The following SCN8A variants were observed in gnomAD, a reference collection of about 807,000 sequenced individuals.
The protein encoded by SCN8A is sodium channel protein type 8 subunit alpha.
SCN8A carries 30 observed loss-of-function variants against 184.1 expected under a neutral mutation model. That is an observed-to-expected ratio of 0.16 (90% CI 0.12 to 0.22). The LOEUF (loss-of-function observed/expected upper bound fraction) is 0.22, where lower values mean the gene tolerates loss of function less well. SCN8A is among the 10% of genes least tolerant of loss of function. The pLI is 1.00. For missense variants in SCN8A, 1,057 were observed against 2,498.9 expected, an observed-to-expected ratio of 0.42 and a Z score of 12.30; for synonymous variants, 852 against 907.0, an observed-to-expected ratio of 0.94 and a Z score of 1.09.
intron 26 of SCN8A, among the ~76,000 whole-genome samples, chr12:51,804,234 G>A (rs910916627): frequency 1.3e-5 from 2 of 152,172 alleles, no homozygotes; most frequent in Non-Finnish European, 1.5e-5. Flanking sequence ...AGAAAAAGGC[G>A]CTCCGATTTG....
chr12:51,612,033 A>G (rs192067772), intron 1 of SCN8A, among the ~76,000 whole-genome samples: 95 of 151,886 alleles, frequency 6.3e-4, no homozygotes, highest in African/African-American at 2.2e-3. Context: ...TTTTTCCCCC[A>G]TTTTTACAGA....
intron 1 of SCN8A, among the ~76,000 whole-genome samples, chr12:51,622,215 A>G (rs1939977596): frequency 6.6e-6 from 1 of 152,196 alleles, no homozygotes; most frequent in South Asian, 2.1e-4. Context: ...GAATACGGAG[A>G]ATTCCTGTAT....
At chr12:51,596,863 G>A (rs562382806) in intron 1 of SCN8A, among the ~76,000 whole-genome samples, 24 of 151,980 alleles carry the variant, frequency 1.6e-4, no homozygotes, top group Non-Finnish European at 1.9e-4. Flanking sequence ...CTCTCCCATT[G>A]CCAACCTAGG....
chr12:51,728,407 C>T (rs1434550882), intron 12 of SCN8A, among the ~76,000 whole-genome samples: 1 of 152,074 alleles, frequency 6.6e-6, no homozygotes, highest in African/African-American at 2.4e-5. Context: ...GATGACAATC[C>T]AGGAAGCTAA....
chr12:51,592,590 A>G (rs1939252555), intron 1 of SCN8A, among the ~76,000 whole-genome samples: 1 of 151,716 alleles, frequency 6.6e-6, no homozygotes, highest in African/African-American at 2.4e-5. Flanking sequence ...GAAACTTTGG[A>G]TTGCATCTGG....
intron 1 of SCN8A, among the ~76,000 whole-genome samples, chr12:51,619,191 C>T (rs890412811): frequency 6.6e-6 from 1 of 152,138 alleles, no homozygotes. Flanking sequence ...GGAGGCCTTT[C>T]CATATCAGTG....
chr12:51,803,677 A>G (rs1938616558), intron 26 of SCN8A, among the ~76,000 whole-genome samples: 2 of 152,120 alleles, frequency 1.3e-5, no homozygotes. Flanking sequence ...TGCCCACCAT[A>G]TATGGGCTGC....
rs34564079 is a variant in SCN8A, at chr12:51,679,721, C to CTTTTTTTTTTTTTTTTTTT, written c.277-4449_277-4431dup. Among the ~76,000 whole-genome samples the CTTTTTTTTTTTTTTTTTTT allele has an allele frequency of 3.5e-5, 3 of 85,510 alleles. 1 individual carries two copies. The highest frequency in any genetic ancestry group is 1.4e-4 in the African/African-American group (3 of 22,030). 56.1% of individuals were successfully genotyped at this position (85,510 alleles called of 152,430 possible). On this transcript the variant is annotated intron_variant, in intron 2 of 26. Transcript: ENST00000627620. ...TGTGTTTGTCCAAAGACTATCTTGC[C>CTTTTTTTTTTTTTTTTTTT]TTTTTTTTTTTTTTTTTTTTTTGAG... is the stretch of plus-strand genomic sequence containing the variant.
chr12:51,728,525 G>C (rs896846578), intron 12 of SCN8A, among the ~76,000 whole-genome samples: 1 of 152,080 alleles, frequency 6.6e-6, no homozygotes, highest in East Asian at 1.9e-4. Context: ...CTTGAACCCA[G>C]GAGTTTGAGA....
chr12:51,628,413 A>C (rs1940125734), intron 1 of SCN8A, among the ~76,000 whole-genome samples: 1 of 152,224 alleles, frequency 6.6e-6, no homozygotes, highest in Non-Finnish European at 1.5e-5. Context: ...GTCACTAATA[A>C]TATAATCCAT....
At chr12:51,798,332 C>T (rs1167550463) in intron 26 of SCN8A, among the ~76,000 whole-genome samples, 1 of 152,208 alleles carries the variant, frequency 6.6e-6, no homozygotes, top group African/African-American at 2.4e-5. Context: ...CGTGAGTCCA[C>T]AGATGGTAGT....
intron 1 of SCN8A, among the ~76,000 whole-genome samples, chr12:51,646,791 A>C (rs1417871089): frequency 6.6e-6 from 1 of 152,192 alleles, no homozygotes; most frequent in Non-Finnish European, 1.5e-5. Context: ...TTTGAAGAAA[A>C]AATAGGTGAT....
intron 22 of SCN8A, among the ~76,000 whole-genome samples, chr12:51,787,640 C>G (rs1019973419): frequency 1.5e-4 from 23 of 152,194 alleles, no homozygotes; most frequent in African/African-American, 5.6e-4. Context: ...CAATTCCCAG[C>G]ATATAACCAT....
chr12:51,802,955 T>A (rs1938596790), intron 26 of SCN8A, among the ~76,000 whole-genome samples: 1 of 152,164 alleles, frequency 6.6e-6, no homozygotes, highest in South Asian at 2.1e-4. Context: ...AATCTATTCT[T>A]AAAATTCTGT....
intron 20 of SCN8A, chr12:51,780,356 T>C (rs140564277): frequency 2.9e-6 from 1 of 345,722 alleles, no homozygotes; most frequent in Non-Finnish European, 5.5e-6. Context: ...CTCTCCCCTT[T>C]TCCAACTTGT....
intron 1 of SCN8A, among the ~76,000 whole-genome samples, chr12:51,618,454 G>T (rs1939888192): frequency 7.3e-6 from 1 of 136,082 alleles, no homozygotes; most frequent in African/African-American, 2.9e-5. Flanking sequence ...AGAGATACCA[G>T]AGCAACACAC....
chr12:51,768,794 C>T lies in SCN8A; in HGVS notation c.2902-71C>T, dbSNP rs537153734. 3.0e-6 allele frequency: 4 copies of T among 1,316,718 alleles called. No homozygotes were observed. The Admixed American group carries it at 1.1e-4, about 35-fold the overall frequency. The allele number at this position is 1,316,718 out of a possible 1,614,324, so 81.6% of individuals were successfully genotyped here. A position where few individuals can be genotyped will look rare whatever the true frequency, so the allele number is the denominator to read the frequency against. On this transcript the variant is annotated intron_variant, in intron 16 of 26. Transcript: ENST00000627620. ...CTGTCACGTGAAGTCCATTGGCTTC[C>T]AGTTTGCAACCCTGAGTTCGATGGA... is the stretch of plus-strand genomic sequence containing the variant.
intron 14 of SCN8A, among the ~76,000 whole-genome samples, chr12:51,751,993 A>C (rs1347948604): frequency 1.3e-5 from 2 of 152,026 alleles, no homozygotes; most frequent in South Asian, 2.1e-4. Context: ...AAAATAGGGG[A>C]GCTCTTATAG....
At chr12:51,647,085 A>G (rs1244996877) in intron 1 of SCN8A, among the ~76,000 whole-genome samples, 1 of 152,156 alleles carries the variant, frequency 6.6e-6, no homozygotes, top group Non-Finnish European at 1.5e-5. Flanking sequence ...GGCATGCACC[A>G]GTAGTCCCGG....
Sources: gnomAD v4.1 joint callset for allele counts (sites outside exome capture counted in the v4.1 genomes callset) on GRCh38, gnomAD v4.1.1 for gene constraint, MANE v1.5 for transcripts, NCBI Gene and HGNC (gene_info 2026-07-23, HGNC 2026-07-21) for gene names.